Variants in SLC45A4 observed in about 807,000 individuals in gnomAD.
SLC45A4 encodes polyamine-transporter SLC45A4.
Under a neutral mutation model 63.7 loss-of-function variants are expected in SLC45A4, and 32 were observed. That is an observed-to-expected ratio of 0.50 (90% confidence interval 0.38 to 0.67). SLC45A4 has a LOEUF of 0.67. Among genes scored for constraint, SLC45A4 ranks in the 30% least tolerant of loss-of-function variants. The pLI, the probability that SLC45A4 is intolerant of heterozygous loss-of-function variation, is 0.00. For missense variants in SLC45A4, 1,027 were observed against 1,157.7 expected (o/e 0.89, Z 1.64); for synonymous variants, 535 against 510.0 (o/e 1.05, Z -0.66).
intron 7 of SLC45A4, among the ~76,000 whole-genome samples, chr8:141,214,192 CAAAA>C (rs11292288): frequency 1.3e-5 from 1 of 74,310 alleles, no homozygotes; most frequent in African/African-American, 4.5e-5. Context: ...ACTCTGTCTC[CAAAA>C]AAAAAAAAAA....
intron 2 of SLC45A4, among the ~76,000 whole-genome samples, chr8:141,237,934 T>C (rs1827712659): frequency 6.6e-6 from 1 of 152,232 alleles, no homozygotes; most frequent in South Asian, 2.1e-4. Context: ...TAGTTGACAT[T>C]TTATTGTTTA....
intron 1 of SLC45A4, among the ~76,000 whole-genome samples, chr8:141,277,081 C>A (rs1477404449): frequency 1.3e-5 from 2 of 152,232 alleles, no homozygotes; most frequent in East Asian, 3.8e-4. Flanking sequence ...CTGAAGGATG[C>A]CCGGCACAGG....
At chr8:141,252,614 C>CGT (rs1828531448) in intron 2 of SLC45A4, 2 of 109,688 alleles carry the variant, frequency 1.8e-5, no homozygotes, top group African/African-American at 6.2e-5. Flanking sequence ...CCCACCTGTG[C>CGT]ATCTGTGAAT....
chr8:141,217,320 G>A (rs1826218675), intron 5 of SLC45A4, 131 bp from the exon 6 acceptor site: 2 of 896,974 alleles, frequency 2.2e-6, no homozygotes, highest in South Asian at 1.6e-5. Context: ...CCATCCAGGA[G>A]GAGAGCCCAG....
At chr8:141,258,892 T>TAA (rs1308328481) in intron 1 of SLC45A4, among the ~76,000 whole-genome samples, 5,797 of 112,752 alleles carry the variant, frequency 0.051, 204 homozygotes, top group Middle Eastern at 0.1. Context: ...CCTCTTTTTT[T>TAA]TAAAAAAAAA....
Position 141,256,832 on chromosome 8 carries a change from A to T in SLC45A4, c.-400-2203T>A. 5.0e-5 allele frequency: 16 copies of T among 321,794 alleles called. No homozygotes were observed. The highest frequency in any genetic ancestry group is 1.7e-4 in the East Asian group (2 of 12,014). The allele number at this position is 321,794 out of a possible 1,614,324, so 19.9% of individuals were successfully genotyped here. ...TTCCAAACTGTCACCTTACTGCAAT[A>T]TTTTTTCAAAAAACTGTGTAATGAA... On this transcript the variant is annotated intron_variant, in intron 1 of 8. Coordinates refer to ENST00000517878, the MANE Select transcript of SLC45A4 (RefSeq NM_001286646.2). This position sits in a 1 kb window ranked among gnomAD's most constrained non-coding sequence, Gnocchi z 4.3.
intron 2 of SLC45A4, chr8:141,224,255 C>T (rs954187525): frequency 3.9e-5 from 6 of 152,170 alleles, no homozygotes; most frequent in Non-Finnish European, 7.3e-5. Flanking sequence ...ATCCTTTTTT[C>T]TCTGGCTGCC....
chr8:141,263,564 A>G, intron 1 of SLC45A4, among the ~76,000 whole-genome samples: 1 of 151,470 alleles, frequency 6.6e-6, no homozygotes, highest in East Asian at 1.9e-4. Flanking sequence ...TCAGATCAAG[A>G]CCATCCTGGT....
rs1827085053 is a variant in SLC45A4, at chr8:141,227,515, T to C, written c.242-5750A>G. The stretch of plus-strand genomic sequence containing the variant: ...AGTCCTGCGTGGGAAAGGCTTAGCA[T>C]CCTTGAGTGACCTCTGATGAATTTA... On this transcript the variant is annotated intron_variant, in intron 2 of 8. Transcript: ENST00000517878. This position sits in a 1 kb window ranked among gnomAD's most constrained non-coding sequence, Gnocchi z 4.4. Among the ~76,000 whole-genome samples, 1 of 152,190 alleles carries C rather than the reference T, an allele frequency of 6.6e-6. No homozygotes were observed. The highest frequency in any genetic ancestry group is 2.4e-5 in the African/African-American group (1 of 41,436).
At chr8:141,217,368 TC>T (rs1247403711) in intron 5 of SLC45A4, among the ~76,000 whole-genome samples, 179 bp from the exon 6 acceptor site, 1 of 152,204 alleles carries the variant, frequency 6.6e-6, no homozygotes, top group Non-Finnish European at 1.5e-5. Context: ...TTTCCATGCC[TC>T]CCAGACCACG....
intron 2 of SLC45A4, among the ~76,000 whole-genome samples, chr8:141,232,743 C>G (rs933882604): frequency 6.6e-6 from 1 of 151,358 alleles, no homozygotes; most frequent in African/African-American, 2.4e-5. Flanking sequence ...CATTCAGTGG[C>G]TCCCAGGTGA....
rs1198933963 is a variant in SLC45A4, at chr8:141,256,177, A to G, written c.-400-1548T>C. Among the ~76,000 whole-genome samples, 1 of 152,208 alleles carries G rather than the reference A, an allele frequency of 6.6e-6. No homozygotes were observed. Among genetic ancestry groups the G allele is most frequent in the Admixed American group, 6.5e-5 (1 of 15,284 alleles). On this transcript the variant is annotated intron_variant, in intron 1 of 8. Transcript: ENST00000517878. This position sits in a 1 kb window ranked among gnomAD's most constrained non-coding sequence, Gnocchi z 4.3. Reference sequence around the variant, plus strand: ...TAGGAAATGAGGTCAATCTCTCCTCAGGTAAGATAAGATCGGGGATGTGGA... The same window carrying G: ...TAGGAAATGAGGTCAATCTCTCCTCGGGTAAGATAAGATCGGGGATGTGGA...
intron 1 of SLC45A4, among the ~76,000 whole-genome samples, chr8:141,285,344 G>A (rs540919822): frequency 1.2e-4 from 19 of 152,362 alleles, no homozygotes; most frequent in South Asian, 1.0e-3. Flanking sequence ...ACGGGGCCTC[G>A]CCTACGTTGG....
intron 2 of SLC45A4, chr8:141,230,242 G>T (rs1436877734): frequency 4.9e-6 from 2 of 408,834 alleles, no homozygotes; most frequent in Non-Finnish European, 9.7e-6. Flanking sequence ...GGCTGTCAGG[G>T]CTGGGCCCTG....
chr8:141,272,368 T>C (rs1829573980), intron 1 of SLC45A4, among the ~76,000 whole-genome samples: 1 of 152,204 alleles, frequency 6.6e-6, no homozygotes, highest in African/African-American at 2.4e-5. Flanking sequence ...CAGACTGGGC[T>C]CTGTCTCCCA....
At chr8:141,275,609 C>CA (rs58255670) in intron 1 of SLC45A4, among the ~76,000 whole-genome samples, 1,748 of 125,154 alleles carry the variant, frequency 0.014, 37 homozygotes, top group East Asian at 0.11. Context: ...ACCCCTGTCT[C>CA]AAAAAAAAAA....
Position 141,256,458 on chromosome 8 carries a change from G to A in SLC45A4, c.-400-1829C>T, listed in dbSNP as rs569057631. Reference sequence around the variant, plus strand: ...CTCCCCAGAGGAGACCAGAAACCTCGAGGTGCTGTCTTCACTCGGCTCCTC... The same window carrying A: ...CTCCCCAGAGGAGACCAGAAACCTCAAGGTGCTGTCTTCACTCGGCTCCTC... On this transcript the variant is annotated intron_variant, in intron 1 of 8. Coordinates refer to ENST00000517878, the MANE Select transcript of SLC45A4 (RefSeq NM_001286646.2). The surrounding 1 kb of genome is among the most constrained non-coding windows in gnomAD (Gnocchi z 4.3). 2.3e-5 allele frequency: 10 copies of A among 438,720 alleles called. No homozygotes were observed. Among genetic ancestry groups the A allele is most frequent in the Non-Finnish European group, 4.2e-5 (9 of 215,992 alleles). 27.2% of individuals were successfully genotyped at this position (438,720 alleles called of 1,614,324 possible).
intron 1 of SLC45A4, among the ~76,000 whole-genome samples, chr8:141,285,736 C>T (rs756782456): frequency 3.8e-4 from 58 of 152,318 alleles, no homozygotes; most frequent in Middle Eastern, 3.4e-3. Context: ...AGCACGACAC[C>T]GGGCAGGGGT....
intron 1 of SLC45A4, among the ~76,000 whole-genome samples, chr8:141,306,811 G>A (rs934566457): frequency 6.6e-6 from 1 of 152,210 alleles, no homozygotes; most frequent in Admixed American, 6.5e-5. Context: ...CAGCAGAAAT[G>A]GGCTTCGATT....
Sources: gnomAD v4.1 joint callset for allele counts (sites outside exome capture counted in the v4.1 genomes callset) on GRCh38, gnomAD v4.1.1 for gene constraint, Gnocchi (gnomAD v3.1) non-coding constraint, MANE v1.5 for transcripts, NCBI Gene and HGNC (gene_info 2026-07-23, HGNC 2026-07-21) for gene names.